The following RPA1 variants were observed in gnomAD, a reference collection of about 807,000 sequenced individuals.
RPA1 encodes replication protein A1, also known as replication protein A 70 kDa DNA-binding subunit.
In RPA1, 49 loss-of-function variants were observed where a neutral mutation model predicts 83.0. The ratio of observed to expected loss-of-function variants is 0.59; its 90% confidence interval spans 0.47 to 0.75. The LOEUF (loss-of-function observed/expected upper bound fraction) is 0.75. Ranked by LOEUF, RPA1 falls within the 30% of genes least tolerant of loss-of-function variation. The pLI, the probability that RPA1 is intolerant of heterozygous loss-of-function variation, is 0.00. For missense variants in RPA1, 693 were observed against 776.1 expected, an observed-to-expected ratio of 0.89 and a Z score of 1.27; for synonymous variants, 279 against 281.8, an observed-to-expected ratio of 0.99 and a Z score of 0.10.
In RPA1 at chr17:1,884,517, A is replaced by C. The variant is rs755674957; in HGVS notation, c.1374+573A>C. Among the ~76,000 whole-genome samples, 11 of 152,106 alleles carry C rather than the reference A, an allele frequency of 7.2e-5. No homozygotes were observed. The highest frequency in any genetic ancestry group is 1.6e-4 in the Non-Finnish European group (11 of 68,012). ...AATGACCCTCCTCCCATCTTGATCT[A>C]AGCCTGTGTTCTGCCAGCAGTTTAG... On this transcript the variant is annotated intron_variant, in intron 13 of 16. Coordinates refer to ENST00000254719, the MANE Select transcript of RPA1 (RefSeq NM_002945.5). This position sits in a 1 kb window ranked among gnomAD's most constrained non-coding sequence, Gnocchi z 4.1.
At chr17:1,878,889 C>A in intron 8 of RPA1, 104 bp from the exon 9 acceptor site, 1 of 1,086,870 alleles carries the variant, frequency 9.2e-7, no homozygotes, top group Admixed American at 1.8e-5. Flanking sequence ...CTCAAGATGT[C>A]ACTTTGGTGC....
At chr17:1,886,332 T>C (rs1913989609) in intron 13 of RPA1, among the ~76,000 whole-genome samples, 1 of 152,240 alleles carries the variant, frequency 6.6e-6, no homozygotes, top group African/African-American at 2.4e-5. Flanking sequence ...AGATTTAGCA[T>C]AGTTCTTATG....
intron 8 of RPA1, among the ~76,000 whole-genome samples, 199 bp from the exon 9 acceptor site, chr17:1,878,794 G>A (rs1425509259): frequency 6.6e-6 from 1 of 152,216 alleles, no homozygotes. Context: ...AGCGGGGCCA[G>A]TGACTTCAGT....
intron 4 of RPA1, among the ~76,000 whole-genome samples, chr17:1,851,256 C>T (rs939347852): frequency 2.2e-5 from 3 of 137,664 alleles, no homozygotes; most frequent in Non-Finnish European, 4.7e-5. Context: ...TGTATATGTG[C>T]GTGTGTATGT....
chr17:1,842,090 A>C (rs1476700049), intron 1 of RPA1, among the ~76,000 whole-genome samples: 1 of 152,054 alleles, frequency 6.6e-6, no homozygotes, highest in East Asian at 1.9e-4. Context: ...TCTTGGGCTC[A>C]AAGCAGTCCT....
At position 1,858,286 on chromosome 17, in the gene RPA1, G is replaced by C; in HGVS notation, c.361+5097G>C. The C allele has an allele frequency of 2.5e-6, 4 of 1,611,034 alleles. No homozygotes were observed. In the African/African-American group the frequency reaches 5.3e-5, roughly 22 times the overall value. ...AAAGTTCCCAGGGAGTAACACGGCC[G>C]ACATGCCAAAAAGAGAGACCCCTGC... is the stretch of plus-strand genomic sequence containing the variant. On this transcript the variant is annotated intron_variant, in intron 5 of 16. Transcript: ENST00000254719.
At chr17:1,891,967 C>G in intron 15 of RPA1, 27 bp downstream of exon 15, 2 of 1,482,474 alleles carry the variant, frequency 1.3e-6, no homozygotes, top group Non-Finnish European at 1.9e-6. Flanking sequence ...ATTATAACTT[C>G]TATAACTTTT....
intron 4 of RPA1, among the ~76,000 whole-genome samples, chr17:1,846,302 G>A (rs1453224819): frequency 6.9e-6 from 1 of 144,882 alleles, no homozygotes; most frequent in Non-Finnish European, 1.5e-5. Context: ...TCCCTTGTAG[G>A]AAGCTTTGCT....
chr17:1,883,713 T>G (rs2151288980), intron 12 of RPA1, 99 bp from the exon 13 acceptor site: 3 of 1,532,360 alleles, frequency 2.0e-6, no homozygotes, highest in Non-Finnish European at 2.7e-6. Flanking sequence ...GGGCGGGTGG[T>G]GGGAAACCTG....
At position 1,897,139 on chromosome 17, in the gene RPA1, G is replaced by C; in HGVS notation, c.1815G>C (p.Arg605Ser). The change falls in exon 17 of 17, where the codon AGG becomes AGC. Residue 605 changes from arginine (R) to serine (S), a missense_variant. Coordinates refer to ENST00000254719, the MANE Select transcript of RPA1 (RefSeq NM_002945.5). ...TGGACTACAGAGAGTATGGCCGAAGGCTGGTCATGAGCATCAGGAGAAGTG... is the reference window on the plus strand; with the variant it reads ...TGGACTACAGAGAGTATGGCCGAAGCCTGGTCATGAGCATCAGGAGAAGTG... Reference protein sequence around the residue: ...KPVDYREYGRRLVMSIRRSAL... With the variant: ...KPVDYREYGRSLVMSIRRSAL... The C allele has an allele frequency of 6.4e-7, 1 of 1,565,116 alleles. No homozygotes were observed. Among genetic ancestry groups the C allele is most frequent in the Non-Finnish European group, 8.7e-7 (1 of 1,154,612 alleles).
chr17:1,844,002 A>G lies in RPA1; in HGVS notation c.163+4A>G. The stretch of plus-strand genomic sequence containing the variant: ...GATGGATTGAACACTCTATCCTGTG[A>G]GTATGGTGTATCCATCTAGAAATGT... On this transcript the variant is annotated splice_donor_region_variant and intron_variant, in intron 3 of 16. Coordinates refer to ENST00000254719, the MANE Select transcript of RPA1 (RefSeq NM_002945.5). The G allele has an allele frequency of 6.2e-7, 1 of 1,611,260 alleles. No homozygotes were observed. Among genetic ancestry groups the G allele is most frequent in the Non-Finnish European group, 8.5e-7 (1 of 1,177,790 alleles).
rs201580832 is a variant in RPA1 at position 1,858,017 on chromosome 17, T to C, written c.361+4828T>C. The C allele has an allele frequency of 2.7e-3, 4,313 of 1,607,810 alleles. 8 individuals carry two copies. Among genetic ancestry groups the C allele is most frequent in the Non-Finnish European group, 3.2e-3 (3,746 of 1,175,626 alleles). The stretch of plus-strand genomic sequence containing the variant: ...GTGAATGTAATAATGTGTAGGAAGA[T>C]GATGCTGGGAGCCTCCTTTCTTCAC... On this transcript the variant is annotated intron_variant, in intron 5 of 16. Transcript: ENST00000254719.
At chr17:1,858,253 T>G in intron 5 of RPA1, 9 of 1,613,368 alleles carry the variant, frequency 5.6e-6, no homozygotes, top group Non-Finnish European at 7.6e-6. Flanking sequence ...AAGTTCCAAA[T>G]AAGACTCAAA....
At position 1,894,170 on chromosome 17, in the gene RPA1, C is replaced by T. The variant is rs1375834247; in HGVS notation, c.1660-839C>T. Among the ~76,000 whole-genome samples the T allele has an allele frequency of 6.3e-5, 9 of 142,914 alleles. No individual in the cohort carries two copies. In the East Asian group the frequency reaches 1.7e-3, roughly 27 times the overall value. The allele number at this position is 142,914 out of a possible 152,430, so 93.8% of individuals were successfully genotyped here. A position where few individuals can be genotyped will look rare whatever the true frequency, so the allele number is the denominator to read the frequency against. ...AGTCACGCGCCACCATACCTGACCT[C>T]CTAATTTTTTTTTTTTTTGAGAGTC... On this transcript the variant is annotated intron_variant, in intron 15 of 16. Transcript: ENST00000254719.
rs1368626446 is a variant in RPA1, at chr17:1,897,364, G to C, written c.*189G>C. Reference sequence around the variant, plus strand: ...CAAAGGAAAATACGCTCAGGTGGTTGTGGTGTAGACTGTGTCAGGCCTACG... The same window carrying C: ...CAAAGGAAAATACGCTCAGGTGGTTCTGGTGTAGACTGTGTCAGGCCTACG... On this transcript the variant is annotated 3_prime_UTR_variant, in exon 17 of 17. Transcript: ENST00000254719. 1.8e-6 allele frequency: 1 copy of C among 570,416 alleles called. No individual in the cohort carries two copies. Among genetic ancestry groups the C allele is most frequent in the African/African-American group, 1.9e-5 (1 of 52,724 alleles). The allele number at this position is 570,416 out of a possible 1,614,324, so 35.3% of individuals were successfully genotyped here.
At chr17:1,836,839 AT>A (rs368337248) in intron 1 of RPA1, among the ~76,000 whole-genome samples, 1,525 of 138,146 alleles carry the variant, frequency 0.011, 42 homozygotes, top group Admixed American at 0.068. Context: ...TTAAAAAAAA[AT>A]TTTTTTTTTT....
intron 5 of RPA1, among the ~76,000 whole-genome samples, chr17:1,862,263 G>A (rs1171067181): frequency 7.1e-6 from 1 of 141,056 alleles, no homozygotes; most frequent in Non-Finnish European, 1.5e-5. Flanking sequence ...TTGAACTCCT[G>A]GGCTCAAGCA....
rs71150822 is a variant in RPA1, at chr17:1,845,162, T to TTGTGTGTGTGTGTG, written c.272+496_272+509dup. ...ATGATAATTATTTTGTAATGCTGCT[T>TTGTGTGTGTGTGTG]TGTGTGTGTGTGTGTGTGTGTGTGT... On this transcript the variant is annotated intron_variant, in intron 4 of 16. Coordinates refer to ENST00000254719, the MANE Select transcript of RPA1 (RefSeq NM_002945.5). Among the ~76,000 whole-genome samples, 498 of 141,706 alleles carry TTGTGTGTGTGTGTG rather than the reference T, an allele frequency of 3.5e-3. 8 individuals carry two copies. Among genetic ancestry groups the TTGTGTGTGTGTGTG allele is most frequent in the African/African-American group, 0.011 (450 of 39,178 alleles). The allele number at this position is 141,706 out of a possible 152,430, so 93.0% of individuals were successfully genotyped here.
intron 5 of RPA1, among the ~76,000 whole-genome samples, chr17:1,856,299 TAAA>T (rs545534102): frequency 8.0e-6 from 1 of 124,800 alleles, no homozygotes; most frequent in African/African-American, 2.9e-5. Flanking sequence ...TGAGACCCCA[TAAA>T]AAAAAAAAAA....
Sources: allele counts gnomAD v4.1 joint callset (sites outside exome capture counted in the v4.1 genomes callset), GRCh38; gene constraint gnomAD v4.1.1; non-coding constraint Gnocchi (gnomAD v3.1); transcripts MANE v1.5; gene names NCBI Gene and HGNC (gene_info 2026-07-23, HGNC 2026-07-21).